Variants in TAFA1 observed in about 807,000 individuals in gnomAD.
TAFA1 encodes the protein chemokine-like protein TAFA-1.
A neutral mutation model predicts 18.5 loss-of-function variants in TAFA1; 4 were observed. That is an observed-to-expected ratio of 0.22 (90% CI 0.11 to 0.49). The LOEUF (loss-of-function observed/expected upper bound fraction) is 0.49, where lower values mean the gene tolerates loss of function less well. Ranked by LOEUF, TAFA1 falls within the 20% of genes least tolerant of loss-of-function variation. The probability of loss-of-function intolerance (pLI) is 0.98; values close to 1 mark genes in which losing one functional copy is unlikely to be tolerated. For synonymous variants in TAFA1, 56 were observed against 55.2 expected (o/e 1.01, Z -0.06); for missense variants, 147 against 169.0 (o/e 0.87, Z 0.72).
intron 3 of TAFA1, among the ~76,000 whole-genome samples, chr3:68,424,109 A>G (rs1212842963): frequency 6.6e-6 from 1 of 152,114 alleles, no homozygotes; most frequent in Non-Finnish European, 1.5e-5. Context: ...TAATACAATG[A>G]AAAAGTCATC....
At chr3:68,081,320 G>A (rs1266325217) in intron 2 of TAFA1, among the ~76,000 whole-genome samples, 1 of 152,132 alleles carries the variant, frequency 6.6e-6, no homozygotes, top group Non-Finnish European at 1.5e-5. Context: ...GCTCGTCAAA[G>A]TCATTCTCCA....
Position 68,335,384 on chromosome 3 carries a change from A to T in TAFA1, c.119-81896A>T, listed in dbSNP as rs1197717456. On this transcript the variant is annotated intron_variant, in intron 2 of 4. Coordinates refer to ENST00000478136, the MANE Select transcript of TAFA1 (RefSeq NM_213609.4). Reference sequence around the variant, plus strand: ...GAGTCTTTCTATGGTACCACTGCCCATTTTTCCCTCTGGGAAATAGCAATG... The same window carrying T: ...GAGTCTTTCTATGGTACCACTGCCCTTTTTTCCCTCTGGGAAATAGCAATG... Among the ~76,000 whole-genome samples the T allele has an allele frequency of 2.0e-5, 3 of 152,168 alleles. No individual in the cohort carries two copies. In the East Asian group the frequency reaches 5.8e-4, roughly 29 times the overall value.
At chr3:68,427,787 G>A (rs1384245447) in intron 3 of TAFA1, among the ~76,000 whole-genome samples, 2 of 151,882 alleles carry the variant, frequency 1.3e-5, no homozygotes, top group Non-Finnish European at 2.9e-5. Context: ...CCCAGTTGGA[G>A]GTAACTGAAT....
intron 2 of TAFA1, among the ~76,000 whole-genome samples, chr3:68,036,534 T>C (rs1310099167): frequency 6.6e-6 from 1 of 152,108 alleles, no homozygotes; most frequent in East Asian, 1.9e-4. Flanking sequence ...ATTTATAAGT[T>C]GATTGCATGT....
At chr3:68,211,743 G>T (rs551921756) in intron 2 of TAFA1, among the ~76,000 whole-genome samples, 1 of 152,044 alleles carries the variant, frequency 6.6e-6, no homozygotes, top group Non-Finnish European at 1.5e-5. Context: ...GCTGGTGTGT[G>T]CAGAGATCCA....
intron 2 of TAFA1, among the ~76,000 whole-genome samples, chr3:68,221,533 T>G (rs1379424519): frequency 2.0e-5 from 3 of 152,182 alleles, no homozygotes; most frequent in Non-Finnish European, 2.9e-5. Context: ...AAAAGTTACC[T>G]TTCTCCCAAT....
intron 3 of TAFA1, among the ~76,000 whole-genome samples, chr3:68,485,770 A>G (rs950794501): frequency 1.3e-5 from 2 of 152,244 alleles, no homozygotes; most frequent in African/African-American, 4.8e-5. Context: ...TATAATTTCT[A>G]GGAAATTTTA....
chr3:68,479,241 A>AAAAATATATATAT lies in TAFA1; in HGVS notation c.260-59514_260-59513insAAATATATATATA, dbSNP rs1353493315. Among the ~76,000 whole-genome samples, 161 of 123,622 alleles carry AAAAATATATATAT rather than the reference A, an allele frequency of 1.3e-3. 3 individuals are homozygous for AAAAATATATATAT. The East Asian group carries it at 0.028, about 21-fold the overall frequency. 81.1% of individuals were successfully genotyped at this position (123,622 alleles called of 152,430 possible). On this transcript the variant is annotated intron_variant, in intron 3 of 4. Transcript: ENST00000478136. ...TGAGACTCCATCTCAAAAAAAAAAA[A>AAAAATATATATAT]ATATATATATATATATATATATGTC...
chr3:68,288,750 G>C (rs557982740), intron 2 of TAFA1, among the ~76,000 whole-genome samples: 1 of 152,218 alleles, frequency 6.6e-6, no homozygotes, highest in East Asian at 1.9e-4. Flanking sequence ...CTACTGTATG[G>C]GCAGATTCAA....
chr3:68,421,566 G>A (rs529468767), intron 3 of TAFA1, among the ~76,000 whole-genome samples: 1 of 152,072 alleles, frequency 6.6e-6, no homozygotes, highest in East Asian at 1.9e-4. Context: ...ATTTTTGATA[G>A]AATGACATTT....
chr3:68,036,436 CAAAAA>C (rs10566431), intron 2 of TAFA1, among the ~76,000 whole-genome samples: 7 of 98,684 alleles, frequency 7.1e-5, no homozygotes, highest in Admixed American at 2.1e-4. Flanking sequence ...GAGACTCTGT[CAAAAA>C]AAAAAAAAAA....
chr3:68,402,463 G>A (rs1409552113), intron 2 of TAFA1, among the ~76,000 whole-genome samples: 1 of 152,184 alleles, frequency 6.6e-6, no homozygotes, highest in Non-Finnish European at 1.5e-5. Flanking sequence ...GATGCTGTAT[G>A]TAACTCGGTA....
intron 2 of TAFA1, among the ~76,000 whole-genome samples, chr3:68,347,277 C>T (rs958843809): frequency 1.3e-5 from 2 of 152,128 alleles, no homozygotes; most frequent in African/African-American, 2.4e-5. Context: ...GTTACAACAC[C>T]TCTTCCCTCT....
chr3:68,062,038 TG>T (rs1488283459), intron 2 of TAFA1, among the ~76,000 whole-genome samples: 2 of 152,148 alleles, frequency 1.3e-5, no homozygotes, highest in African/African-American at 4.8e-5. Context: ...CATAAGTATG[TG>T]GTATTTTATT....
Position 68,027,235 on chromosome 3 carries a change from T to C in TAFA1, c.118+20491T>C, listed in dbSNP as rs75138879. 8.5e-4 allele frequency among the ~76,000 whole-genome samples: 129 copies of C among 152,226 alleles called. 2 individuals carry two copies. In the East Asian group the frequency reaches 0.017, roughly 20 times the overall value. ...AGTCTTCTCTAAGACGTGAGAGGTT[T>C]ACTGCCTTTTGAGGTAGACTATTTC... On this transcript the variant is annotated intron_variant, in intron 2 of 4. Transcript: ENST00000478136.
chr3:68,352,668 T>C (rs572429352), intron 2 of TAFA1, among the ~76,000 whole-genome samples: 1 of 152,184 alleles, frequency 6.6e-6, no homozygotes, highest in Admixed American at 6.6e-5. Context: ...GAGAGACCTA[T>C]TTGGCATGAC....
chr3:68,379,803 A>G (rs1179360942), intron 2 of TAFA1, among the ~76,000 whole-genome samples: 1 of 150,542 alleles, frequency 6.6e-6, no homozygotes, highest in African/African-American at 2.4e-5. Context: ...TTTAGGGTAC[A>G]TGTGCACAAC....
chr3:68,466,855 T>C (rs1192914386), intron 3 of TAFA1, among the ~76,000 whole-genome samples: 1 of 152,098 alleles, frequency 6.6e-6, no homozygotes, highest in African/African-American at 2.4e-5. Flanking sequence ...GTACAAAAAA[T>C]AGAAATTTTA....
At chr3:68,037,304 C>T (rs761751406) in intron 2 of TAFA1, among the ~76,000 whole-genome samples, 39 of 152,168 alleles carry the variant, frequency 2.6e-4, no homozygotes, top group Non-Finnish European at 5.0e-4. Flanking sequence ...CTGGAGATGA[C>T]GCCAAAGAGG....
Sources: allele counts gnomAD v4.1 joint callset (sites outside exome capture counted in the v4.1 genomes callset), GRCh38; gene constraint gnomAD v4.1.1; transcripts MANE v1.5; gene names NCBI Gene and HGNC (gene_info 2026-07-23, HGNC 2026-07-21).